The following RBFOX1 variants were observed in gnomAD, a reference collection of about 807,000 sequenced individuals.
RBFOX1 encodes RNA binding fox-1 homolog 1.
RBFOX1 carries 8 observed loss-of-function variants against 57.7 expected under a neutral mutation model. That is an observed-to-expected ratio of 0.14 (90% confidence interval 0.08 to 0.25). The LOEUF (loss-of-function observed/expected upper bound fraction) is 0.25, where lower values mean the gene tolerates loss of function less well. Ranked by LOEUF, RBFOX1 falls within the 10% of genes least tolerant of loss-of-function variation. RBFOX1 has a pLI of 1.00. For synonymous variants in RBFOX1, 326 were observed against 222.4 expected, an observed-to-expected ratio of 1.47 and a Z score of -4.15; for missense variants, 611 against 548.5, an observed-to-expected ratio of 1.11 and a Z score of -1.14.
chr16:5,490,289 A>G lies in RBFOX1; in HGVS notation c.258+23035A>G, dbSNP rs534282392. Among the ~76,000 whole-genome samples the G allele has an allele frequency of 2.4e-4, 36 of 152,376 alleles. 1 individual carries two copies. The highest frequency in any genetic ancestry group is 8.7e-4 in the African/African-American group (36 of 41,586). On this transcript the variant is annotated intron_variant, in intron 2 of 2. Coordinates refer to the RBFOX1 transcript ENST00000585867. ...GTAAGTGACATACATGCTTCATTTC[A>G]TTAAGTCCTCATTGCAACCCCACGA...
At chr16:7,194,797 G>C (rs1313995587) in intron 4 of RBFOX1, among the ~76,000 whole-genome samples, 1 of 151,970 alleles carries the variant, frequency 6.6e-6, no homozygotes, top group Non-Finnish European at 1.5e-5. Context: ...ACGTGGTGGT[G>C]CATGCCTGTG....
intron 3 of RBFOX1, among the ~76,000 whole-genome samples, chr16:5,627,644 T>C (rs1567317277): frequency 6.6e-6 from 1 of 152,190 alleles, no homozygotes; most frequent in Non-Finnish European, 1.5e-5. Context: ...AAAGTAGAAG[T>C]ACAGTTGCCC....
chr16:6,123,618 C>G lies in RBFOX1; in HGVS notation c.-127+103626C>G, dbSNP rs186012562. ...AACATTGTGAATGTACTCAATGCCA[C>G]TGAACTATTCACTTAAAAATAGTTA... On this transcript the variant is annotated intron_variant, in intron 1 of 15. Coordinates refer to ENST00000550418, the MANE Select transcript of RBFOX1 (RefSeq NM_018723.4). Among the ~76,000 whole-genome samples, 225 of 152,286 alleles carry G rather than the reference C, an allele frequency of 1.5e-3. 1 individual carries two copies. The highest frequency in any genetic ancestry group is 2.9e-3 in the Non-Finnish European group (194 of 68,030).
At chr16:6,927,962 C>G (rs1024998974) in intron 3 of RBFOX1, among the ~76,000 whole-genome samples, 1 of 152,174 alleles carries the variant, frequency 6.6e-6, no homozygotes, top group African/African-American at 2.4e-5. Flanking sequence ...GTAGTTGCAT[C>G]TCCGTAAAGT....
At chr16:6,413,557 T>C (rs1181694138) in intron 2 of RBFOX1, among the ~76,000 whole-genome samples, 2 of 152,140 alleles carry the variant, frequency 1.3e-5, no homozygotes, top group African/African-American at 4.8e-5. Context: ...CCTGTGCTTT[T>C]GAAATGAGGG....
At chr16:7,581,442 A>G (rs889010299) in intron 6 of RBFOX1, among the ~76,000 whole-genome samples, 1 of 151,926 alleles carries the variant, frequency 6.6e-6, no homozygotes, top group African/African-American at 2.4e-5. Context: ...TATGCAGTCT[A>G]TTTTTTTCTC....
At chr16:5,569,153 A>G (rs1412145295) in intron 2 of RBFOX1, among the ~76,000 whole-genome samples, 1 of 151,774 alleles carries the variant, frequency 6.6e-6, no homozygotes, top group Non-Finnish European at 1.5e-5. Context: ...CCCGGCTGAC[A>G]TTGGTTCTGT....
At chr16:5,900,827 A>G (rs1197353156) in intron 4 of RBFOX1, among the ~76,000 whole-genome samples, 3 of 152,190 alleles carry the variant, frequency 2.0e-5, no homozygotes, top group African/African-American at 7.2e-5. Context: ...GACATCCAGG[A>G]AGCTGCAGGA....
chr16:5,606,775 A>G (rs893303999), intron 3 of RBFOX1, among the ~76,000 whole-genome samples: 3 of 152,154 alleles, frequency 2.0e-5, no homozygotes, highest in African/African-American at 7.2e-5. Flanking sequence ...CTTGAAGGAC[A>G]AGTGGGAGTC....
At chr16:6,619,227 C>T (rs973320707) in intron 2 of RBFOX1, among the ~76,000 whole-genome samples, 1 of 151,816 alleles carries the variant, frequency 6.6e-6, no homozygotes, top group Non-Finnish European at 1.5e-5. Context: ...AACAGTGAGG[C>T]AGCTGGGCTA....
In RBFOX1 at chr16:5,737,838, T is replaced by A. The variant is rs141234704; in HGVS notation, c.319-129465T>A. Among the ~76,000 whole-genome samples, 290 of 152,272 alleles carry A rather than the reference T, an allele frequency of 1.9e-3. 2 individuals carry two copies. Among genetic ancestry groups the A allele is most frequent in the African/African-American group, 6.6e-3 (275 of 41,570 alleles). Reference sequence around the variant, plus strand: ...TCTGGTTTTAAAAATTTGTTTCTTTTTTTATTCTTTTATTTTTATTTATTT... The same window carrying A: ...TCTGGTTTTAAAAATTTGTTTCTTTATTTATTCTTTTATTTTTATTTATTT... On this transcript the variant is annotated intron_variant, in intron 3 of 19. Coordinates refer to the RBFOX1 transcript ENST00000641259.
At chr16:5,718,054 A>G (rs1392745108) in intron 3 of RBFOX1, among the ~76,000 whole-genome samples, 1 of 152,220 alleles carries the variant, frequency 6.6e-6, no homozygotes, top group Admixed American at 6.5e-5. Context: ...GGTATTGGCC[A>G]GGTGACTTGC....
chr16:6,148,640 C>G (rs1466230409), intron 1 of RBFOX1, among the ~76,000 whole-genome samples: 3 of 152,134 alleles, frequency 2.0e-5, no homozygotes, highest in African/African-American at 7.2e-5. Context: ...ACTGTGTTCT[C>G]TAAAATGCTG....
intron 4 of RBFOX1, among the ~76,000 whole-genome samples, chr16:5,900,055 G>C (rs974970808): frequency 6.6e-6 from 1 of 152,184 alleles, no homozygotes; most frequent in African/African-American, 2.4e-5. Context: ...TCCAGCCTTG[G>C]TGACAGAGCA....
At chr16:6,028,193 C>T (rs2095233148) in intron 1 of RBFOX1, among the ~76,000 whole-genome samples, 1 of 152,142 alleles carries the variant, frequency 6.6e-6, no homozygotes, top group Non-Finnish European at 1.5e-5. Context: ...ATACCTATTT[C>T]TTCAGTATCC....
At chr16:6,323,834 G>A (rs1166302544) in intron 2 of RBFOX1, among the ~76,000 whole-genome samples, 1 of 151,880 alleles carries the variant, frequency 6.6e-6, no homozygotes, top group East Asian at 1.9e-4. Flanking sequence ...GTACAGTGGT[G>A]TGATATCTGC....
intron 2 of RBFOX1, among the ~76,000 whole-genome samples, chr16:6,562,851 TCTTTCTTTCTTTCTTTCTTTC>T (rs1567693308): frequency 4.0e-4 from 20 of 50,542 alleles, no homozygotes; most frequent in African/African-American, 2.5e-3. Context: ...TTTCTTTCTT[TCTTTCTTTCTTTCTTTCTTTC>T]TTTCTTTCTT....
At chr16:7,048,875 T>G (rs2048966569) in intron 3 of RBFOX1, among the ~76,000 whole-genome samples, 1 of 152,216 alleles carries the variant, frequency 6.6e-6, no homozygotes, top group African/African-American at 2.4e-5. Flanking sequence ...TTTGTTTTAA[T>G]AAGCAATCAA....
At chr16:7,290,014 A>G (rs563418599) in intron 4 of RBFOX1, among the ~76,000 whole-genome samples, 2 of 152,314 alleles carry the variant, frequency 1.3e-5, no homozygotes, top group Non-Finnish European at 2.9e-5. Flanking sequence ...ATTTTTCTTC[A>G]TAGGAGAGTA....
Sources: gnomAD v4.1 joint callset for allele counts (sites outside exome capture counted in the v4.1 genomes callset) on GRCh38, gnomAD v4.1.1 for gene constraint, MANE v1.5 for transcripts, NCBI Gene and HGNC (gene_info 2026-07-23, HGNC 2026-07-21) for gene names.